The following TMEM200A variants were observed in gnomAD, a reference collection of about 807,000 sequenced individuals.
TMEM200A encodes two transmembrane C.
In TMEM200A, 12 loss-of-function variants were observed where a neutral mutation model predicts 24.3. That is an observed-to-expected ratio of 0.49 (90% CI 0.32 to 0.80). The LOEUF (loss-of-function observed/expected upper bound fraction) is 0.80, where lower values mean the gene tolerates loss of function less well. TMEM200A is among the 30% of genes least tolerant of loss of function. TMEM200A has a pLI of 0.04. For missense variants in TMEM200A, 545 were observed against 614.4 expected (o/e 0.89, Z 1.19); for synonymous variants, 224 against 224.4 (o/e 1.00, Z 0.02).
chr6:130,402,039 G>C (rs1157110910), intron 2 of TMEM200A, among the ~76,000 whole-genome samples: 1 of 150,496 alleles, frequency 6.6e-6, no homozygotes, highest in Non-Finnish European at 1.5e-5. Context: ...CCTTACAGGA[G>C]TTTAAAATTT....
intron 2 of TMEM200A, among the ~76,000 whole-genome samples, chr6:130,433,540 T>TA (rs1326698095): frequency 6.6e-6 from 1 of 152,188 alleles, no homozygotes; most frequent in African/African-American, 2.4e-5. Context: ...AGATATAGAT[T>TA]AAAAATCCTA....
intron 2 of TMEM200A, among the ~76,000 whole-genome samples, chr6:130,424,897 G>C (rs1354673051): frequency 6.6e-6 from 1 of 152,004 alleles, no homozygotes; most frequent in Non-Finnish European, 1.5e-5. Flanking sequence ...GTCTTCCCTT[G>C]ATTTTCCCGG....
At chr6:130,433,184 T>A (rs1343556300) in intron 2 of TMEM200A, among the ~76,000 whole-genome samples, 1 of 151,002 alleles carries the variant, frequency 6.6e-6, no homozygotes, top group Non-Finnish European at 1.5e-5. Context: ...TTGCCCAGGC[T>A]GGAGTGCAGT....
chr6:130,436,245 GA>G lies in TMEM200A; in HGVS notation c.-16-4160del, dbSNP rs1050813331. Among the ~76,000 whole-genome samples the G allele has an allele frequency of 2.6e-4, 39 of 152,154 alleles. 1 individual carries two copies. The highest frequency in any genetic ancestry group is 8.7e-4 in the African/African-American group (36 of 41,522). ...AGATATTACAATTATTACTCCTCCA[GA>G]ATTATTGTGAGAACAAATGTTTTTG... On this transcript the variant is annotated intron_variant, in intron 2 of 2. Coordinates refer to ENST00000296978, the MANE Select transcript of TMEM200A (RefSeq NM_001258277.2).
intron 2 of TMEM200A, among the ~76,000 whole-genome samples, chr6:130,436,620 TTTTC>T (rs1209133870): frequency 6.8e-6 from 1 of 146,656 alleles, no homozygotes; most frequent in African/African-American, 2.5e-5. Flanking sequence ...TAGGCTTCGT[TTTTC>T]TTTATCCTTT....
At chr6:130,406,017 T>G (rs1313326338) in intron 2 of TMEM200A, among the ~76,000 whole-genome samples, 1 of 152,194 alleles carries the variant, frequency 6.6e-6, no homozygotes, top group Non-Finnish European at 1.5e-5. Flanking sequence ...CTTCTGGGAA[T>G]AGATGATCCT....
chr6:130,374,894 G>C (rs1462585787), intron 1 of TMEM200A, among the ~76,000 whole-genome samples: 1 of 152,128 alleles, frequency 6.6e-6, no homozygotes, highest in Non-Finnish European at 1.5e-5. Context: ...ACTTATTCCA[G>C]AAGAGGAATT....
At chr6:130,413,053 G>C (rs1237970174) in intron 2 of TMEM200A, among the ~76,000 whole-genome samples, 1 of 152,150 alleles carries the variant, frequency 6.6e-6, no homozygotes, top group Non-Finnish European at 1.5e-5. Context: ...TGTGTCCAAA[G>C]TAATTCATGA....
intron 2 of TMEM200A, among the ~76,000 whole-genome samples, chr6:130,408,843 A>C (rs896100349): frequency 2.6e-5 from 4 of 152,194 alleles, no homozygotes; most frequent in Admixed American, 2.0e-4. Context: ...GGTGCCACTC[A>C]GATCTCCCTT....
At chr6:130,405,572 G>A (rs953830264) in intron 2 of TMEM200A, among the ~76,000 whole-genome samples, 3 of 152,184 alleles carry the variant, frequency 2.0e-5, no homozygotes, top group African/African-American at 4.8e-5. Flanking sequence ...AACTGAGAAT[G>A]AGGAATCATG....
At position 130,403,040 on chromosome 6, in the gene TMEM200A, A is replaced by G. The variant is rs371924605; in HGVS notation, c.-17+17804A>G. On this transcript the variant is annotated intron_variant, in intron 2 of 2. Coordinates refer to ENST00000296978, the MANE Select transcript of TMEM200A (RefSeq NM_001258277.2). ...CAAATCCTCAGTGGCATAATTTCAT[A>G]TTGTTTCCATCCCTGGCTGTCCTGC... Among the ~76,000 whole-genome samples, 16 of 152,122 alleles carry G rather than the reference A, an allele frequency of 1.1e-4. 2 individuals carry two copies. The highest frequency in any genetic ancestry group is 1.2e-4 in the African/African-American group (5 of 41,530).
chr6:130,415,731 C>A (rs954290209), intron 2 of TMEM200A, among the ~76,000 whole-genome samples: 1 of 152,072 alleles, frequency 6.6e-6, no homozygotes, highest in Non-Finnish European at 1.5e-5. Context: ...TCTGAGGTTG[C>A]GCCCAAACCT....
intron 2 of TMEM200A, among the ~76,000 whole-genome samples, chr6:130,420,638 C>T (rs2618118): frequency 6.6e-6 from 1 of 152,116 alleles, no homozygotes; most frequent in Non-Finnish European, 1.5e-5. Context: ...ATATATTATT[C>T]TGGCCTGTGA....
chr6:130,416,052 G>A (rs555000568), intron 2 of TMEM200A, among the ~76,000 whole-genome samples: 24 of 151,960 alleles, frequency 1.6e-4, no homozygotes, highest in Non-Finnish European at 2.6e-4. Flanking sequence ...TTGGACGCAG[G>A]CTTTTTCTTG....
rs998442198 is a variant in TMEM200A at position 130,442,296 on chromosome 6, G to A, written c.*398G>A. On this transcript the variant is annotated 3_prime_UTR_variant, in exon 3 of 3. Coordinates refer to ENST00000296978, the MANE Select transcript of TMEM200A (RefSeq NM_001258277.2). ...CAAATTCAGTCCCAATACTCAATAC[G>A]TATTATAGATGACTATGAGTGCAAA... The A allele has an allele frequency of 1.2e-4, 20 of 173,060 alleles. No homozygotes were observed. Among genetic ancestry groups the A allele is most frequent in the African/African-American group, 3.9e-4 (16 of 41,496 alleles). 10.7% of individuals were successfully genotyped at this position (173,060 alleles called of 1,614,324 possible). A position where few individuals can be genotyped will look rare whatever the true frequency, so the allele number is the denominator to read the frequency against.
At chr6:130,431,343 A>AGTCC (rs1779869902) in intron 2 of TMEM200A, among the ~76,000 whole-genome samples, 1 of 152,182 alleles carries the variant, frequency 6.6e-6, no homozygotes, top group South Asian at 2.1e-4. Flanking sequence ...CTCTATAAAA[A>AGTCC]GTCCAATTTG....
intron 2 of TMEM200A, among the ~76,000 whole-genome samples, chr6:130,418,331 C>T (rs1459488302): frequency 2.6e-5 from 4 of 152,206 alleles, no homozygotes; most frequent in African/African-American, 9.6e-5. Context: ...ATTTCCATCA[C>T]AAATAATGAA....
intron 1 of TMEM200A, chr6:130,381,820 T>A (rs1562551375): frequency 1.4e-6 from 1 of 739,634 alleles, no homozygotes. Context: ...GTTTTTACCC[T>A]TTAGTTCCAC....
At chr6:130,413,815 A>C (rs980667511) in intron 2 of TMEM200A, among the ~76,000 whole-genome samples, 30 of 152,114 alleles carry the variant, frequency 2.0e-4, no homozygotes, top group Admixed American at 2.0e-3. Flanking sequence ...TGCCTCAGCC[A>C]CTTTGGCCCT....
Sources: allele counts gnomAD v4.1 joint callset (sites outside exome capture counted in the v4.1 genomes callset), GRCh38; gene constraint gnomAD v4.1.1; transcripts MANE v1.5; gene names NCBI Gene and HGNC (gene_info 2026-07-23, HGNC 2026-07-21).